The following NDST3 variants were observed in gnomAD, a reference collection of about 807,000 sequenced individuals.
The protein encoded by NDST3 is bifunctional heparan sulfate N-deacetylase/N-sulfotransferase 3.
Under a neutral mutation model 96.1 loss-of-function variants are expected in NDST3, and 58 were observed. The ratio of observed to expected loss-of-function variants is 0.60; its 90% CI spans 0.49 to 0.75. The LOEUF is 0.75. Among genes scored for constraint, NDST3 ranks in the 30% least tolerant of loss-of-function variants. The probability of loss-of-function intolerance (pLI) is 0.00; values close to 1 mark genes in which losing one functional copy is unlikely to be tolerated. For missense variants in NDST3, 788 were observed against 1,034.2 expected, an observed-to-expected ratio of 0.76 and a Z score of 3.27; for synonymous variants, 333 against 359.7, an observed-to-expected ratio of 0.93 and a Z score of 0.84.
chr4:118,140,302 C>T (rs10023656), intron 5 of NDST3, among the ~76,000 whole-genome samples: 6,954 of 152,226 alleles, frequency 0.046, 273 homozygotes, highest in African/African-American at 0.11. Context: ...CAACTCAATA[C>T]CTAACTCATA....
At chr4:118,194,527 T>C in intron 6 of NDST3, 2 of 722,058 alleles carry the variant, frequency 2.8e-6, no homozygotes, top group Non-Finnish European at 2.6e-6. Context: ...CAAAGGAGAA[T>C]TTGTCCTTGT....
intron 6 of NDST3, among the ~76,000 whole-genome samples, chr4:118,171,595 G>A (rs1267004664): frequency 6.6e-6 from 1 of 152,130 alleles, no homozygotes; most frequent in Non-Finnish European, 1.5e-5. Flanking sequence ...GTGACCTGTT[G>A]CAGATGTTAG....
chr4:118,119,575 T>C (rs1731382230), intron 4 of NDST3, among the ~76,000 whole-genome samples: 1 of 152,164 alleles, frequency 6.6e-6, no homozygotes. Context: ...TTGGCCATTG[T>C]TCAGAGCAAA....
chr4:118,096,964 G>T (rs190265987), intron 2 of NDST3, among the ~76,000 whole-genome samples: 1 of 152,060 alleles, frequency 6.6e-6, no homozygotes, highest in Non-Finnish European at 1.5e-5. Context: ...GCTCAAGGCA[G>T]TCAGGCAGAA....
At chr4:118,133,890 A>G (rs1389066065) in intron 4 of NDST3, among the ~76,000 whole-genome samples, 1 of 152,202 alleles carries the variant, frequency 6.6e-6, no homozygotes, top group Admixed American at 6.5e-5. Flanking sequence ...AGTATATCGC[A>G]GTGGATAAAA....
chr4:118,097,539 G>A (rs763796958), intron 2 of NDST3, among the ~76,000 whole-genome samples: 2 of 151,924 alleles, frequency 1.3e-5, no homozygotes, highest in Non-Finnish European at 2.9e-5. Flanking sequence ...AGGGTATGTT[G>A]CCTTTGCTCA....
chr4:118,041,923 A>G (rs1724494706), intron 1 of NDST3, among the ~76,000 whole-genome samples: 1 of 152,200 alleles, frequency 6.6e-6, no homozygotes, highest in African/African-American at 2.4e-5. Context: ...TGTTAATAAT[A>G]TTTCATAAGA....
At chr4:118,097,951 A>C (rs1177807264) in intron 2 of NDST3, among the ~76,000 whole-genome samples, 1 of 151,834 alleles carries the variant, frequency 6.6e-6, no homozygotes, top group East Asian at 1.9e-4. Flanking sequence ...TTGCTCATGG[A>C]GTTTATAGTC....
chr4:118,227,408 ATTGT>A (rs1400446912), intron 8 of NDST3, among the ~76,000 whole-genome samples: 1 of 152,092 alleles, frequency 6.6e-6, no homozygotes, highest in Non-Finnish European at 1.5e-5. Context: ...TTTTCCTAAT[ATTGT>A]TTATTTGTAA....
In NDST3 at chr4:118,208,336, C is replaced by T. The variant is rs912253213; in HGVS notation, c.1540-16155C>T. Among the ~76,000 whole-genome samples, 5 of 143,792 alleles carry T rather than the reference C, an allele frequency of 3.5e-5. 2 individuals are homozygous for T. Among genetic ancestry groups the T allele is most frequent in the Admixed American group, 3.4e-4 (5 of 14,538 alleles). The allele number at this position is 143,792 out of a possible 152,430, so 94.3% of individuals were successfully genotyped here. On this transcript the variant is annotated intron_variant, in intron 6 of 13. Coordinates refer to ENST00000296499, the MANE Select transcript of NDST3 (RefSeq NM_004784.3). ...CAGCAGCTTTGGCAGTAGGTGTCCTCTAGTGCTGACTCATAAAGGTTTGAA... is the reference window on the plus strand; with the variant it reads ...CAGCAGCTTTGGCAGTAGGTGTCCTTTAGTGCTGACTCATAAAGGTTTGAA...
chr4:118,248,922 T>C (rs11934128), intron 12 of NDST3, among the ~76,000 whole-genome samples: 7,482 of 152,232 alleles, frequency 0.049, 337 homozygotes, highest in African/African-American at 0.12. Flanking sequence ...CCTCAGGCCA[T>C]TGGGTAAATA....
At chr4:118,124,348 GT>G (rs1173569233) in intron 4 of NDST3, among the ~76,000 whole-genome samples, 1 of 151,858 alleles carries the variant, frequency 6.6e-6, no homozygotes, top group Non-Finnish European at 1.5e-5. Flanking sequence ...GCTTGTTTTT[GT>G]TTCCCCCAAA....
chr4:118,152,941 G>T (rs981525084), intron 6 of NDST3, among the ~76,000 whole-genome samples: 6 of 152,184 alleles, frequency 3.9e-5, no homozygotes, highest in Non-Finnish European at 5.9e-5. Context: ...GCCCATATCA[G>T]TCCTGGCCTT....
At chr4:118,213,056 T>C (rs1003290056) in intron 6 of NDST3, among the ~76,000 whole-genome samples, 12 of 152,216 alleles carry the variant, frequency 7.9e-5, no homozygotes, top group African/African-American at 2.9e-4. Context: ...CTCTTCACAT[T>C]TGGTTTCTTT....
At chr4:118,167,694 T>C (rs1178471907) in intron 6 of NDST3, among the ~76,000 whole-genome samples, 1 of 151,920 alleles carries the variant, frequency 6.6e-6, no homozygotes, top group African/African-American at 2.4e-5. Flanking sequence ...AGCAGTATGG[T>C]GATGTTACAA....
At chr4:118,129,920 C>T (rs998758320) in intron 4 of NDST3, among the ~76,000 whole-genome samples, 1 of 151,918 alleles carries the variant, frequency 6.6e-6, no homozygotes, top group Non-Finnish European at 1.5e-5. Flanking sequence ...GGGGTTGACT[C>T]CTTTATCATT....
intron 1 of NDST3, among the ~76,000 whole-genome samples, chr4:118,049,732 TA>T (rs747062730): frequency 0.024 from 3,138 of 133,124 alleles, 110 homozygotes; most frequent in Admixed American, 0.11. Context: ...GTAATAATAA[TA>T]AAAAAAAAAA....
At chr4:118,168,103 A>C (rs1316057840) in intron 6 of NDST3, among the ~76,000 whole-genome samples, 5 of 152,070 alleles carry the variant, frequency 3.3e-5, no homozygotes, top group Admixed American at 6.5e-5. Context: ...ATTAAAAAAA[A>C]TAAAATAACC....
intron 1 of NDST3, among the ~76,000 whole-genome samples, chr4:118,044,526 G>A (rs1209617600): frequency 6.6e-6 from 1 of 152,170 alleles, no homozygotes; most frequent in African/African-American, 2.4e-5. Flanking sequence ...ACTACATTGT[G>A]AGAAATGAGA....
Sources: gnomAD v4.1 joint callset for allele counts (sites outside exome capture counted in the v4.1 genomes callset) on GRCh38, gnomAD v4.1.1 for gene constraint, MANE v1.5 for transcripts, NCBI Gene and HGNC (gene_info 2026-07-23, HGNC 2026-07-21) for gene names.